DLG2: variants seen among roughly 807,000 people sequenced by gnomAD.
The protein encoded by DLG2 is disks large homolog 2.
Under a neutral mutation model 132.5 loss-of-function variants are expected in DLG2, and 45 were observed. The observed-to-expected ratio is 0.34, with a 90% CI of 0.27 to 0.44. DLG2 has a LOEUF of 0.44. Among genes scored for constraint, DLG2 ranks in the 20% least tolerant of loss-of-function variants. The pLI, the probability that DLG2 is intolerant of heterozygous loss-of-function variation, is 1.00. For missense variants in DLG2, 1,045 were observed against 1,196.9 expected, an observed-to-expected ratio of 0.87 and a Z score of 1.87; for synonymous variants, 424 against 419.6, an observed-to-expected ratio of 1.01 and a Z score of -0.13.
intron 8 of DLG2, among the ~76,000 whole-genome samples, chr11:84,236,372 T>A (rs2097158742): frequency 6.6e-6 from 1 of 152,212 alleles, no homozygotes; most frequent in Non-Finnish European, 1.5e-5. Context: ...TTTTGATATT[T>A]GATTTTTTTC....
At chr11:84,256,533 A>G (rs977594182) in intron 7 of DLG2, among the ~76,000 whole-genome samples, 1 of 152,208 alleles carries the variant, frequency 6.6e-6, no homozygotes, top group African/African-American at 2.4e-5. Context: ...CTATGCAGGG[A>G]TTTCAGCTGA....
rs952236771 is a variant in DLG2, at chr11:84,312,402, G to T, written c.520-61111C>A. On this transcript the variant is annotated intron_variant, in intron 7 of 27. Coordinates refer to ENST00000376104, the MANE Select transcript of DLG2 (RefSeq NM_001142699.3). ...ACCGAGGCAGGAGAATTGCTTGAAC[G>T]TGGACGGCAGAGGTTGAAGTGAAAT... 2.6e-5 allele frequency among the ~76,000 whole-genome samples: 4 copies of T among 152,142 alleles called. No homozygotes were observed. In the East Asian group the frequency reaches 7.7e-4, roughly 29 times the overall value.
chr11:84,757,585 C>T (rs2067052362), intron 6 of DLG2, among the ~76,000 whole-genome samples: 1 of 152,142 alleles, frequency 6.6e-6, no homozygotes, highest in Non-Finnish European at 1.5e-5. Flanking sequence ...TCCAAAGAGG[C>T]ACCTCCTCTC....
At chr11:83,544,684 T>C (rs1282223183) in intron 19 of DLG2, among the ~76,000 whole-genome samples, 1 of 152,092 alleles carries the variant, frequency 6.6e-6, no homozygotes, top group African/African-American at 2.4e-5. Context: ...TGGCACTTCA[T>C]AGTCATCGTC....
intron 6 of DLG2, among the ~76,000 whole-genome samples, chr11:84,557,977 T>C (rs2099415315): frequency 1.3e-5 from 2 of 152,156 alleles, no homozygotes; most frequent in African/African-American, 2.4e-5. Flanking sequence ...ATACTCTCAG[T>C]AAAACCTGGA....
intron 2 of DLG2, among the ~76,000 whole-genome samples, chr11:85,602,405 TTCTG>T (rs567671613): frequency 3.3e-5 from 5 of 152,226 alleles, no homozygotes; most frequent in Admixed American, 1.3e-4. Context: ...TCTTTTTTCT[TTCTG>T]TCTTTGTTTG....
intron 6 of DLG2, among the ~76,000 whole-genome samples, chr11:84,974,771 G>C (rs1291216553): frequency 6.6e-6 from 1 of 152,188 alleles, no homozygotes; most frequent in Non-Finnish European, 1.5e-5. Context: ...AAACTATGGG[G>C]TTAGGACCCA....
chr11:85,279,583 C>G (rs970444603), intron 4 of DLG2, among the ~76,000 whole-genome samples: 1 of 152,096 alleles, frequency 6.6e-6, no homozygotes, highest in African/African-American at 2.4e-5. Context: ...TCTTCCAACT[C>G]CTATTTATCA....
At chr11:84,371,790 A>G (rs59267689) in intron 7 of DLG2, among the ~76,000 whole-genome samples, 8,785 of 152,196 alleles carry the variant, frequency 0.058, 881 homozygotes, top group African/African-American at 0.2. Flanking sequence ...TTGTAAACGT[A>G]CTTTAAATTT....
At chr11:83,615,726 C>A (rs894365425) in intron 19 of DLG2, among the ~76,000 whole-genome samples, 6 of 152,174 alleles carry the variant, frequency 3.9e-5, no homozygotes, top group African/African-American at 1.4e-4. Flanking sequence ...GGGCCACGAG[C>A]CATGGAATGC....
chr11:84,920,489 C>A (rs1273019482), intron 6 of DLG2, among the ~76,000 whole-genome samples: 1 of 152,052 alleles, frequency 6.6e-6, no homozygotes, highest in East Asian at 1.9e-4. Flanking sequence ...TACAACAAAC[C>A]CTGCATAGAT....
intron 6 of DLG2, among the ~76,000 whole-genome samples, chr11:84,685,597 C>T (rs796300051): frequency 6.6e-5 from 10 of 152,292 alleles, no homozygotes; most frequent in African/African-American, 1.2e-4. Flanking sequence ...TATTTATCTG[C>T]CAGAGGACTA....
At chr11:84,656,884 T>C (rs1423034773) in intron 6 of DLG2, among the ~76,000 whole-genome samples, 1 of 152,080 alleles carries the variant, frequency 6.6e-6, no homozygotes, top group Non-Finnish European at 1.5e-5. Context: ...CCCCAACAAG[T>C]TTATATTTCT....
At chr11:84,903,776 A>C (rs2087947649) in intron 6 of DLG2, among the ~76,000 whole-genome samples, 1 of 152,164 alleles carries the variant, frequency 6.6e-6, no homozygotes, top group Non-Finnish European at 1.5e-5. Flanking sequence ...AAGGAGCCAC[A>C]ATACATAGAA....
intron 7 of DLG2, among the ~76,000 whole-genome samples, chr11:84,373,072 A>G (rs1254698489): frequency 6.6e-6 from 1 of 151,832 alleles, no homozygotes; most frequent in East Asian, 1.9e-4. Flanking sequence ...AGAGACAGAG[A>G]GAGGCAAGAG....
chr11:84,776,136 G>A (rs2070439705), intron 6 of DLG2, among the ~76,000 whole-genome samples: 1 of 151,780 alleles, frequency 6.6e-6, no homozygotes, highest in Non-Finnish European at 1.5e-5. Flanking sequence ...ACCTTTTTAG[G>A]CATGTACAAT....
intron 6 of DLG2, among the ~76,000 whole-genome samples, chr11:84,977,045 T>C (rs2055006544): frequency 6.6e-6 from 1 of 152,086 alleles, no homozygotes; most frequent in East Asian, 1.9e-4. Context: ...CCATCACCTG[T>C]GCCTCTTTTT....
At chr11:85,517,322 T>C (rs286507) in intron 3 of DLG2, among the ~76,000 whole-genome samples, 35,130 of 151,896 alleles carry the variant, frequency 0.23, 4,538 homozygotes, top group East Asian at 0.4. Context: ...CTATAGCCAA[T>C]GTCATACTGA....
Position 84,810,795 on chromosome 11 carries a change from T to C in DLG2, c.358-276064A>G, listed in dbSNP as rs2076470285. On this transcript the variant is annotated intron_variant, in intron 6 of 27. Transcript: ENST00000376104. The stretch of plus-strand genomic sequence containing the variant: ...AGACTACTGATACACATATCTTAAA[T>C]GAAATTCCAAAATATTATGCTGAGT... Among the ~76,000 whole-genome samples the C allele has an allele frequency of 3.3e-5, 5 of 152,144 alleles. No homozygotes were observed. In the South Asian group the frequency reaches 1.0e-3, roughly 31 times the overall value.
Sources: gnomAD v4.1 joint callset for allele counts (sites outside exome capture counted in the v4.1 genomes callset) on GRCh38, gnomAD v4.1.1 for gene constraint, MANE v1.5 for transcripts, NCBI Gene and HGNC (gene_info 2026-07-23, HGNC 2026-07-21) for gene names.